Variants in DIP2A observed in about 807,000 individuals in gnomAD.
The protein encoded by DIP2A is DIP2 acetate--CoA ligase A, also known as disco-interacting protein 2 homolog A.
A neutral mutation model predicts 177.4 loss-of-function variants in DIP2A; 85 were observed. The ratio of observed to expected loss-of-function variants is 0.48; its 90% CI spans 0.40 to 0.57. DIP2A has a LOEUF of 0.57. DIP2A is among the 20% of genes least tolerant of loss of function. The pLI is 0.00. For synonymous variants in DIP2A, 886 were observed against 881.8 expected, an observed-to-expected ratio of 1.00 and a Z score of -0.08; for missense variants, 1,791 against 2,100.2, an observed-to-expected ratio of 0.85 and a Z score of 2.88.
chr21:46,560,746 A>T lies in DIP2A; in HGVS notation c.3994A>T (p.Thr1332Ser). The change falls in exon 33 of 38, where the codon ACC (threonine) becomes TCC (serine). Residue 1332 changes from threonine (T) to serine (S), a missense_variant. Thr to Ser is a moderately conservative substitution (Grantham distance 58). Coordinates refer to ENST00000417564, the MANE Select transcript of DIP2A (RefSeq NM_015151.4). Reference sequence around the variant, plus strand: ...GGGCACAGCTGGCCCGGACCCCACAACCGTCTACGTGGACATGCGGGCACT... The same window carrying T: ...GGGCACAGCTGGCCCGGACCCCACATCCGTCTACGTGGACATGCGGGCACT... ...LQGTAGPDPT[T>S]VYVDMRALRH... is the part of the protein sequence containing the mutation. The T allele has an allele frequency of 6.2e-7, 1 of 1,609,542 alleles. No individual in the cohort carries two copies. The highest frequency in any genetic ancestry group is 8.5e-7 in the Non-Finnish European group (1 of 1,178,196).
chr21:46,558,833 T>A (rs979345099), intron 32 of DIP2A: 1 of 250,256 alleles, frequency 4.0e-6, no homozygotes, highest in Non-Finnish European at 7.9e-6. Flanking sequence ...GAGTGGTGGC[T>A]CATGCCTATA....
chr21:46,581,209 A>G, the DIP2A span, among the ~76,000 whole-genome samples: 1 of 151,976 alleles, frequency 6.6e-6, no homozygotes, highest in African/African-American at 2.4e-5. Flanking sequence ...TCAAGCTCTG[A>G]GATTCTTTGT....
rs766968302 is a variant in DIP2A at position 46,498,566 on chromosome 21, G to A, written c.404-16G>A. On this transcript the variant is annotated splice_polypyrimidine_tract_variant and intron_variant, in intron 4 of 37. Transcript: ENST00000417564. This position sits in a 1 kb window ranked among gnomAD's most constrained non-coding sequence, Gnocchi z 4.3. ...TCATCCCGATATCATGCCTGTCATC[G>A]TTATTTTAACCACAGACACGTCGTC... 2.0e-5 allele frequency: 32 copies of A among 1,593,946 alleles called. No homozygotes were observed. In the Admixed American group the frequency reaches 3.0e-4, roughly 15 times the overall value.
the DIP2A span, among the ~76,000 whole-genome samples, chr21:46,578,837 T>A: frequency 7.9e-5 from 12 of 152,222 alleles, no homozygotes; most frequent in African/African-American, 2.7e-4. Context: ...AGCTTTTTGA[T>A]GTGCTGCTGG....
chr21:46,502,341 A>G (rs1024900068), intron 5 of DIP2A, among the ~76,000 whole-genome samples: 4 of 151,012 alleles, frequency 2.6e-5, no homozygotes, highest in African/African-American at 9.8e-5. Flanking sequence ...TATGTTGCCC[A>G]GGCTGATCTC....
rs200938637 is a variant in DIP2A at position 46,498,683 on chromosome 21, C to T, written c.505C>T (p.Arg169Trp). ...TTCCAGCGTCGAGCCCTGGCTCGAC[C>T]GGGTCATTCAGGGCTCGTCCACCTC... ...SHSSVEPWLD[R>W]VIQGSSTSSS... The change falls in exon 5 of 38, where the codon CGG becomes TGG. Residue 169 changes from arginine to tryptophan, a missense_variant. By Grantham distance (101) the Arg-to-Trp change is moderately radical. Transcript: ENST00000417564. The surrounding 1 kb of genome is among the most constrained non-coding windows in gnomAD (Gnocchi z 4.3). The T allele has an allele frequency of 6.2e-6, 10 of 1,613,794 alleles. No individual in the cohort carries two copies. The Admixed American group carries it at 6.7e-5, about 11-fold the overall frequency.
chr21:46,511,302 A>T, intron 7 of DIP2A, 115 bp from the exon 8 acceptor site: 1 of 1,134,404 alleles, frequency 8.8e-7, no homozygotes, highest in Non-Finnish European at 1.2e-6. Flanking sequence ...AAATTATTGT[A>T]AGCTTTTTTA....
intron 35 of DIP2A, among the ~76,000 whole-genome samples, chr21:46,564,873 C>G (rs918838365): frequency 2.0e-5 from 3 of 152,198 alleles, no homozygotes; most frequent in Non-Finnish European, 2.9e-5. Flanking sequence ...CTCAACCGTC[C>G]CACTTCCTGC....
rs756509950 is a variant in DIP2A, at chr21:46,504,373, C to T, written c.668C>T (p.Ala223Val). The T allele has an allele frequency of 4.3e-6, 7 of 1,613,766 alleles. No individual in the cohort carries two copies. The South Asian group carries it at 5.5e-5, about 13-fold the overall frequency. Residue 223 changes from alanine (A) to valine (V), a missense_variant, in exon 6 of 38, where the codon GCC becomes GTC. Coordinates refer to ENST00000417564, the MANE Select transcript of DIP2A (RefSeq NM_015151.4). ...EAHTHIDLHS[A>V]PPDVTTGLVE... ...TTTTCAAAAGCAGATCTGCATTCTGCCCCTCCTGATGTCACCACGGGCCTC... is the reference window on the plus strand; with the variant it reads ...TTTTCAAAAGCAGATCTGCATTCTGTCCCTCCTGATGTCACCACGGGCCTC...
chr21:46,550,807 T>C, intron 23 of DIP2A, 63 bp downstream of exon 23: 2 of 1,549,840 alleles, frequency 1.3e-6, no homozygotes. Flanking sequence ...GTGCTTGTGG[T>C]TAGGGTGCGG....
intron 8 of DIP2A, among the ~76,000 whole-genome samples, chr21:46,522,524 T>G (rs2058866759): frequency 6.6e-6 from 1 of 151,938 alleles, no homozygotes; most frequent in South Asian, 2.1e-4. Flanking sequence ...CCCATGGGAG[T>G]GTTATCTCTC....
chr21:46,481,331 T>A (rs1261667793), intron 1 of DIP2A, among the ~76,000 whole-genome samples: 1 of 152,240 alleles, frequency 6.6e-6, no homozygotes, highest in African/African-American at 2.4e-5. Flanking sequence ...TAGTTTTCCA[T>A]AGTATGGTTA....
intron 20 of DIP2A, chr21:46,546,325 C>A: frequency 9.6e-7 from 1 of 1,039,932 alleles, no homozygotes; most frequent in Non-Finnish European, 1.2e-6. Context: ...CCCAGTGTTT[C>A]TCTCAACTGG....
intron 1 of DIP2A, among the ~76,000 whole-genome samples, chr21:46,461,306 A>G (rs1446836890): frequency 2.7e-4 from 38 of 142,372 alleles, no homozygotes; most frequent in African/African-American, 6.9e-4. Flanking sequence ...AAAGAAATGG[A>G]TGGATTTGAG....
chr21:46,557,744 T>C lies in DIP2A; in HGVS notation c.3789T>C (p.Gly1263=), dbSNP rs1422480778. 6.2e-7 allele frequency: 1 copy of C among 1,609,500 alleles called. No homozygotes were observed. The highest frequency in any genetic ancestry group is 8.5e-7 in the Non-Finnish European group (1 of 1,176,398). ...MCTKGLGAQT[G]VLRMKGVNLS... is the part of the protein sequence containing the mutation. ...CCAAGGGCCTAGGCGCACAGACGGG[T>C]GTCCTCAGGGTGAGTGCCCAGACCC... Residue 1263 remains glycine, a synonymous_variant, in exon 31 of 38, where the codon GGT becomes GGC. Coordinates refer to ENST00000417564, the MANE Select transcript of DIP2A (RefSeq NM_015151.4). The surrounding 1 kb of genome is among the most constrained non-coding windows in gnomAD (Gnocchi z 6.0).
intron 35 of DIP2A, among the ~76,000 whole-genome samples, chr21:46,564,914 T>C (rs2148920490): frequency 6.6e-6 from 1 of 152,302 alleles, no homozygotes; most frequent in East Asian, 1.9e-4. Flanking sequence ...AAGTCAAGGG[T>C]GTACCCCCAA....
chr21:46,496,850 G>A (rs749131412), intron 3 of DIP2A, 138 bp from the exon 4 acceptor site: 4 of 741,820 alleles, frequency 5.4e-6, no homozygotes, highest in Non-Finnish European at 7.8e-6. Context: ...AGAAATCTAG[G>A]ACCAACATGT....
chr21:46,550,219 A>C (rs535699116), intron 22 of DIP2A: 36 of 703,744 alleles, frequency 5.1e-5, no homozygotes, highest in Middle Eastern at 4.1e-4. Flanking sequence ...TATCTCAAAG[A>C]AAAAACTTTC....
At chr21:46,565,922 G>A (rs760332783) in intron 36 of DIP2A, 35 bp downstream of exon 36, 1 of 1,609,990 alleles carries the variant, frequency 6.2e-7, no homozygotes, top group Non-Finnish European at 8.5e-7. Flanking sequence ...CGTGAGTGCT[G>A]TGCGGGGAGG....
Sources: gnomAD v4.1 joint callset for allele counts (sites outside exome capture counted in the v4.1 genomes callset) on GRCh38, gnomAD v4.1.1 for gene constraint, Gnocchi (gnomAD v3.1) non-coding constraint, MANE v1.5 for transcripts, NCBI Gene and HGNC (gene_info 2026-07-23, HGNC 2026-07-21) for gene names.